DPP10: variants seen among roughly 807,000 people sequenced by gnomAD.
DPP10 encodes inactive dipeptidyl peptidase 10.
DPP10 carries 33 observed loss-of-function variants against 120.9 expected under a neutral mutation model. The observed-to-expected ratio is 0.27, with a 90% confidence interval of 0.21 to 0.37. The LOEUF (loss-of-function observed/expected upper bound fraction) is 0.37, where lower values mean the gene tolerates loss of function less well. Ranked by LOEUF, DPP10 falls within the 10% of genes least tolerant of loss-of-function variation. The probability of loss-of-function intolerance (pLI) is 1.00; values close to 1 mark genes in which losing one functional copy is unlikely to be tolerated. For missense variants in DPP10, 816 were observed against 942.8 expected, an observed-to-expected ratio of 0.87 and a Z score of 1.76; for synonymous variants, 337 against 326.1, an observed-to-expected ratio of 1.03 and a Z score of -0.36.
intron 1 of DPP10, among the ~76,000 whole-genome samples, chr2:114,594,327 T>A (rs1187107357): frequency 6.6e-6 from 1 of 151,616 alleles, no homozygotes; most frequent in Non-Finnish European, 1.5e-5. Context: ...TATTGTGGGA[T>A]CTTGTGATCA....
chr2:114,500,868 G>T (rs2104511392), intron 1 of DPP10, among the ~76,000 whole-genome samples: 1 of 152,308 alleles, frequency 6.6e-6, no homozygotes. Context: ...GGTGCGTGGG[G>T]TTCTCCATGG....
rs78888388 is a variant in DPP10 at position 115,028,502 on chromosome 2, C to T, written c.61-280737C>T. 9.2e-3 allele frequency among the ~76,000 whole-genome samples: 1,393 copies of T among 152,096 alleles called. 26 individuals are homozygous for T. The highest frequency in any genetic ancestry group is 0.032 in the African/African-American group (1,328 of 41,516). On this transcript the variant is annotated intron_variant, in intron 1 of 25. Transcript: ENST00000410059. ...AATGTTTTGAGTCTTGTTTTGAGGC[C>T]TGATACATGGTCTATCCTGGAGAAT...
chr2:115,771,169 G>A (rs1456977947), intron 13 of DPP10, among the ~76,000 whole-genome samples: 1 of 151,820 alleles, frequency 6.6e-6, no homozygotes, highest in Non-Finnish European at 1.5e-5. Flanking sequence ...CCTCCTCCCA[G>A]GTTCAAGCCA....
At chr2:114,604,920 AATC>A (rs1415874645) in intron 1 of DPP10, among the ~76,000 whole-genome samples, 1 of 152,142 alleles carries the variant, frequency 6.6e-6, no homozygotes, top group African/African-American at 2.4e-5. Flanking sequence ...GTGGTTAAGT[AATC>A]ATATCAGAAG....
chr2:115,516,785 A>G (rs753882693), intron 4 of DPP10, among the ~76,000 whole-genome samples: 1 of 152,122 alleles, frequency 6.6e-6, no homozygotes, highest in Non-Finnish European at 1.5e-5. Flanking sequence ...AATGTAATTA[A>G]TATGTAAAAA....
chr2:115,342,570 A>T (rs542396857), intron 2 of DPP10, among the ~76,000 whole-genome samples: 8 of 152,212 alleles, frequency 5.3e-5, no homozygotes, highest in African/African-American at 1.7e-4. Flanking sequence ...CAGGACAGAG[A>T]TATGTCTCCT....
chr2:114,578,162 A>G (rs1690210895), intron 1 of DPP10, among the ~76,000 whole-genome samples: 1 of 152,248 alleles, frequency 6.6e-6, no homozygotes, highest in Non-Finnish European at 1.5e-5. Context: ...GAACACTGCT[A>G]AGAACTATGA....
In DPP10 at chr2:115,349,482, A is replaced by T. The variant is rs549117037; in HGVS notation, c.271+5570A>T. ...AAAAAAGAAAAGAAAAAAACTATAA[A>T]TGAAAAGTCAAGGTCTGTAGCCTTG... On this transcript the variant is annotated intron_variant, in intron 3 of 25. Transcript: ENST00000410059. 3.5e-4 allele frequency among the ~76,000 whole-genome samples: 53 copies of T among 152,254 alleles called. 1 individual carries two copies. In the South Asian group the frequency reaches 0.01, roughly 29 times the overall value.
Position 115,632,629 on chromosome 2 carries a change from G to A in DPP10, c.442-57058G>A, listed in dbSNP as rs190441583. On this transcript the variant is annotated intron_variant, in intron 5 of 25. Transcript: ENST00000410059. ...TAGTTTGGCCAGATGTGAAATTCTG[G>A]GTTGGAAATTCTTTTCTTTAAGAAT... Among the ~76,000 whole-genome samples the A allele has an allele frequency of 6.6e-5, 10 of 152,072 alleles. No homozygotes were observed. In the East Asian group the frequency reaches 1.9e-3, roughly 29 times the overall value.
intron 1 of DPP10, among the ~76,000 whole-genome samples, chr2:115,008,023 A>T (rs1456366935): frequency 6.6e-6 from 1 of 150,430 alleles, no homozygotes; most frequent in African/African-American, 2.4e-5. Flanking sequence ...TACAGATTCA[A>T]TGCCATCCCC....
At chr2:115,770,255 A>G (rs12476345) in intron 13 of DPP10, among the ~76,000 whole-genome samples, 31,654 of 152,012 alleles carry the variant, frequency 0.21, 3,949 homozygotes, top group Middle Eastern at 0.4. Flanking sequence ...ACCCAAACCA[A>G]GAATTTTTTT....
chr2:115,560,349 C>A (rs1200516221), intron 5 of DPP10, among the ~76,000 whole-genome samples: 3 of 97,780 alleles, frequency 3.1e-5, no homozygotes, highest in Non-Finnish European at 5.6e-5. Context: ...CCAGCCTGGG[C>A]GACAGAGCAA....
intron 3 of DPP10, among the ~76,000 whole-genome samples, chr2:115,374,560 G>A (rs1167650955): frequency 6.6e-6 from 1 of 152,206 alleles, no homozygotes; most frequent in Admixed American, 6.5e-5. Flanking sequence ...GAGACTGTAT[G>A]GGTGTTCCAG....
intron 3 of DPP10, 60 bp from the exon 4 acceptor site, chr2:115,499,450 A>G: frequency 2.2e-6 from 3 of 1,381,886 alleles, no homozygotes; most frequent in Non-Finnish European, 3.0e-6. Context: ...TTTCTCCCCT[A>G]CAGTTACTAT....
chr2:114,477,173 G>A (rs1338180152), intron 1 of DPP10, among the ~76,000 whole-genome samples: 2 of 151,818 alleles, frequency 1.3e-5, no homozygotes, highest in African/African-American at 4.8e-5. Flanking sequence ...TGGACAGGCA[G>A]GTCTTGAACT....
intron 1 of DPP10, among the ~76,000 whole-genome samples, chr2:115,306,633 T>C (rs1224620622): frequency 2.0e-5 from 3 of 152,146 alleles, no homozygotes; most frequent in African/African-American, 7.2e-5. Flanking sequence ...AGAATTATAT[T>C]ACATTCATTA....
At chr2:115,005,219 C>T (rs1171629921) in intron 1 of DPP10, among the ~76,000 whole-genome samples, 1 of 152,152 alleles carries the variant, frequency 6.6e-6, no homozygotes, top group African/African-American at 2.4e-5. Context: ...CCCTTCTGTA[C>T]ATCACCATCA....
rs150385291 is a variant in DPP10 at position 115,091,201 on chromosome 2, G to A, written c.61-218038G>A. ...AATGGCCCTCCAGCAAGGTTCCACT[G>A]TACGACTTCCTCTCCTGTTCTACCT... On this transcript the variant is annotated intron_variant, in intron 1 of 25. Transcript: ENST00000410059. Among the ~76,000 whole-genome samples, 1,308 of 152,262 alleles carry A rather than the reference G, an allele frequency of 8.6e-3. 25 individuals carry two copies. The highest frequency in any genetic ancestry group is 0.03 in the African/African-American group (1,252 of 41,554).
rs904079258 is a variant in DPP10, at chr2:115,406,535, A to G, written c.271+62623A>G. On this transcript the variant is annotated intron_variant, in intron 3 of 25. Transcript: ENST00000410059. Reference sequence around the variant, plus strand: ...AGAAAGATATGACTATGTGCTGTCTATAAGAGATGAGACTAACTTTAGATT... The same window carrying G: ...AGAAAGATATGACTATGTGCTGTCTGTAAGAGATGAGACTAACTTTAGATT... Among the ~76,000 whole-genome samples, 4 of 152,320 alleles carry G rather than the reference A, an allele frequency of 2.6e-5. No homozygotes were observed. In the South Asian group the frequency reaches 8.3e-4, roughly 32 times the overall value.
Sources: gnomAD v4.1 joint callset for allele counts (sites outside exome capture counted in the v4.1 genomes callset) on GRCh38, gnomAD v4.1.1 for gene constraint, MANE v1.5 for transcripts, NCBI Gene and HGNC (gene_info 2026-07-23, HGNC 2026-07-21) for gene names.